DPP10: variants seen among roughly 807,000 people sequenced by gnomAD.
DPP10 encodes the protein inactive dipeptidyl peptidase 10.
Under a neutral mutation model 120.9 loss-of-function variants are expected in DPP10, and 33 were observed. The ratio of observed to expected loss-of-function variants is 0.27; its 90% CI spans 0.21 to 0.37. DPP10 has a LOEUF of 0.37. Ranked by LOEUF, DPP10 falls within the 10% of genes least tolerant of loss-of-function variation. DPP10 has a pLI of 1.00. For missense variants in DPP10, 816 were observed against 942.8 expected (o/e 0.87, Z 1.76); for synonymous variants, 337 against 326.1 (o/e 1.03, Z -0.36).
At chr2:114,572,893 G>A (rs1490779793) in intron 1 of DPP10, among the ~76,000 whole-genome samples, 2 of 152,162 alleles carry the variant, frequency 1.3e-5, no homozygotes, top group Admixed American at 6.5e-5. Context: ...TACCGTTCTC[G>A]AGAATTTAAA....
chr2:115,642,427 A>T (rs1161024404), intron 5 of DPP10, among the ~76,000 whole-genome samples: 2 of 152,144 alleles, frequency 1.3e-5, no homozygotes, highest in Non-Finnish European at 2.9e-5. Context: ...CTTAAGCAAG[A>T]AGGAATGCTG....
chr2:115,804,139 C>A (rs1042318590), intron 19 of DPP10, among the ~76,000 whole-genome samples: 1 of 152,052 alleles, frequency 6.6e-6, no homozygotes, highest in Admixed American at 6.6e-5. Context: ...TCTTTTTATT[C>A]TTTTTTCTCT....
chr2:115,409,993 G>A (rs1259222850), intron 3 of DPP10, among the ~76,000 whole-genome samples: 4 of 152,168 alleles, frequency 2.6e-5, no homozygotes, highest in African/African-American at 7.2e-5. Context: ...ACGATATAAT[G>A]TTTTGGGTTT....
At chr2:115,629,395 A>T (rs973432992) in intron 5 of DPP10, among the ~76,000 whole-genome samples, 50 of 152,072 alleles carry the variant, frequency 3.3e-4, no homozygotes, top group African/African-American at 9.2e-4. Context: ...TGCCACACTG[A>T]CTTCCACAAT....
intron 1 of DPP10, among the ~76,000 whole-genome samples, chr2:114,944,644 A>G (rs183537109): frequency 1.3e-5 from 2 of 152,328 alleles, no homozygotes; most frequent in East Asian, 3.9e-4. Flanking sequence ...CTGTTTCTAT[A>G]GGAACCATAT....
chr2:114,451,371 T>C (rs1678265906), intron 1 of DPP10, among the ~76,000 whole-genome samples: 1 of 152,076 alleles, frequency 6.6e-6, no homozygotes, highest in Admixed American at 6.6e-5. Flanking sequence ...ATAGCTTTTG[T>C]TTTTGAAGAG....
Position 115,343,818 on chromosome 2 carries a change from T to C in DPP10, c.177T>C (p.Asp59=). 2.5e-6 allele frequency: 4 copies of C among 1,608,808 alleles called. No individual in the cohort carries two copies. Among genetic ancestry groups the C allele is most frequent in the Non-Finnish European group, 3.4e-6 (4 of 1,177,802 alleles). The change falls in exon 3 of 26, where the codon GAT becomes GAC. Residue 59 remains aspartate (D), a splice_region_variant and synonymous_variant. Coordinates refer to ENST00000410059, the MANE Select transcript of DPP10 (RefSeq NM_020868.6). ...AACCTAGAATTTCCTTTATTTTAGA[T>C]GAACTCACAAATTCGTCAGAAACCA... is the stretch of plus-strand genomic sequence containing the variant. ...ITMSVILLTP[D]ELTNSSETRL...
intron 1 of DPP10, among the ~76,000 whole-genome samples, chr2:115,266,724 A>T (rs1422146755): frequency 2.0e-5 from 3 of 152,336 alleles, no homozygotes; most frequent in Admixed American, 2.0e-4. Flanking sequence ...ATATTCGAGA[A>T]TGATAATAAT....
At chr2:115,788,813 C>G (rs963196051) in intron 17 of DPP10, among the ~76,000 whole-genome samples, 3 of 152,128 alleles carry the variant, frequency 2.0e-5, no homozygotes, top group African/African-American at 7.2e-5. Flanking sequence ...TTTACACAAA[C>G]TCTTTTTAAA....
chr2:114,960,434 G>A (rs1229223814), intron 1 of DPP10, among the ~76,000 whole-genome samples: 1 of 150,298 alleles, frequency 6.7e-6, no homozygotes, highest in Non-Finnish European at 1.5e-5. Context: ...ATAACTGCTG[G>A]AAAACCAAAA....
intron 2 of DPP10, among the ~76,000 whole-genome samples, chr2:115,337,873 A>C (rs1486929851): frequency 6.6e-6 from 1 of 151,982 alleles, no homozygotes; most frequent in African/African-American, 2.4e-5. Flanking sequence ...CAAAGAAATG[A>C]ATGAAGTATA....
chr2:115,162,141 C>G (rs150736667), intron 1 of DPP10: 1 of 1,515,084 alleles, frequency 6.6e-7, no homozygotes. Flanking sequence ...TCTCACCCTC[C>G]CCCGCCCCGC....
intron 1 of DPP10, among the ~76,000 whole-genome samples, chr2:114,555,784 T>C (rs766656271): frequency 1.3e-5 from 2 of 152,192 alleles, no homozygotes; most frequent in Non-Finnish European, 2.9e-5. Context: ...TATTGCTTTA[T>C]TGAGCAATGC....
intron 1 of DPP10, among the ~76,000 whole-genome samples, chr2:115,005,746 G>A (rs1701776126): frequency 6.6e-6 from 1 of 152,088 alleles, no homozygotes; most frequent in Non-Finnish European, 1.5e-5. Context: ...TCTGATTGGT[G>A]TACCTGAAAG....
chr2:114,738,191 C>A (rs184341027), intron 1 of DPP10, among the ~76,000 whole-genome samples: 109 of 152,280 alleles, frequency 7.2e-4, no homozygotes, highest in South Asian at 2.3e-3. Flanking sequence ...CCACCAGGCC[C>A]CTCTTTCAAC....
chr2:114,969,154 T>C (rs1332982693), intron 1 of DPP10, among the ~76,000 whole-genome samples: 1 of 152,214 alleles, frequency 6.6e-6, no homozygotes, highest in Non-Finnish European at 1.5e-5. Context: ...AAAATTTTGG[T>C]GTAGTTTCAA....
intron 3 of DPP10, among the ~76,000 whole-genome samples, chr2:115,409,375 T>A (rs1169906356): frequency 6.6e-6 from 1 of 152,110 alleles, no homozygotes; most frequent in Non-Finnish European, 1.5e-5. Flanking sequence ...AGATCACATA[T>A]GAACAGCATA....
intron 4 of DPP10, among the ~76,000 whole-genome samples, chr2:115,513,860 G>T (rs1028692045): frequency 2.0e-4 from 31 of 151,916 alleles, no homozygotes; most frequent in Non-Finnish European, 3.1e-4. Flanking sequence ...AGGTCATTTT[G>T]TGTCTTCATG....
chr2:114,756,236 T>C (rs182934263), intron 1 of DPP10, among the ~76,000 whole-genome samples: 144 of 152,306 alleles, frequency 9.5e-4, no homozygotes, highest in African/African-American at 3.4e-3. Flanking sequence ...TAGAGGTGTC[T>C]CTAAGAAAGA....
Sources: gnomAD v4.1 joint callset for allele counts (sites outside exome capture counted in the v4.1 genomes callset) on GRCh38, gnomAD v4.1.1 for gene constraint, MANE v1.5 for transcripts, NCBI Gene and HGNC (gene_info 2026-07-23, HGNC 2026-07-21) for gene names.